The following CACNA1C variants were observed in gnomAD, a reference collection of about 807,000 sequenced individuals.
CACNA1C encodes the protein calcium voltage-gated channel subunit alpha1 C.
In CACNA1C, 30 loss-of-function variants were observed where a neutral mutation model predicts 229.0. The ratio of observed to expected loss-of-function variants is 0.13; its 90% CI spans 0.10 to 0.18. The LOEUF (loss-of-function observed/expected upper bound fraction) is 0.18, where lower values mean the gene tolerates loss of function less well. Among genes scored for constraint, CACNA1C ranks in the 10% least tolerant of loss-of-function variants. The pLI is 1.00. For missense variants in CACNA1C, 1,658 were observed against 2,845.0 expected (o/e 0.58, Z 9.49); for synonymous variants, 1,114 against 1,132.5 (o/e 0.98, Z 0.33).
intron 3 of CACNA1C, among the ~76,000 whole-genome samples, chr12:2,310,358 T>A (rs1406817947): frequency 6.7e-6 from 1 of 149,198 alleles, no homozygotes; most frequent in South Asian, 2.1e-4. Flanking sequence ...AAAAAATATA[T>A]ATATATATAT....
Position 2,561,394 on chromosome 12 carries a change from G to A in CACNA1C, c.1508+4417G>A, listed in dbSNP as rs115501510. Among the ~76,000 whole-genome samples, 446 of 152,356 alleles carry A rather than the reference G, an allele frequency of 2.9e-3. 2 individuals are homozygous for A. The highest frequency in any genetic ancestry group is 0.01 in the African/African-American group (432 of 41,584). ...GTCTGTGTCTCCGTGTAGCTTTTAC[G>A]CAGAGGAGGCCTGTGAGCGCTGTGC... On this transcript the variant is annotated intron_variant, in intron 11 of 46. Coordinates refer to ENST00000399655, the MANE Select transcript of CACNA1C (RefSeq NM_000719.7).
intron 3 of CACNA1C, among the ~76,000 whole-genome samples, chr12:2,221,895 A>G (rs1400303178): frequency 6.6e-6 from 1 of 152,244 alleles, no homozygotes; most frequent in Non-Finnish European, 1.5e-5. Context: ...TTAATGGCAC[A>G]TAAAGATGTT....
intron 9 of CACNA1C, among the ~76,000 whole-genome samples, chr12:2,526,553 T>C (rs1241330952): frequency 6.6e-6 from 1 of 152,258 alleles, no homozygotes; most frequent in Admixed American, 6.5e-5. Flanking sequence ...TGCACTTTAC[T>C]GATAAGGCCA....
intron 1 of CACNA1C, among the ~76,000 whole-genome samples, chr12:2,064,914 G>C (rs1465209999): frequency 1.3e-5 from 2 of 152,308 alleles, no homozygotes; most frequent in East Asian, 3.9e-4. Flanking sequence ...ATTAATCAGA[G>C]ACCTGGGTAT....
chr12:2,572,398 C>T (rs1419629041), intron 13 of CACNA1C, among the ~76,000 whole-genome samples: 1 of 1,796 alleles, frequency 5.6e-4, no homozygotes, highest in African/African-American at 2.4e-3. Context: ...CCTCCTTCTT[C>T]TCTTCCTCCT....
At chr12:2,430,900 C>T (rs1437470078) in intron 3 of CACNA1C, among the ~76,000 whole-genome samples, 1 of 152,114 alleles carries the variant, frequency 6.6e-6, no homozygotes, top group African/African-American at 2.4e-5. Context: ...ACCCAGGAAA[C>T]ACACCCACTG....
At chr12:2,162,037 G>A (rs1597727342) in intron 3 of CACNA1C, among the ~76,000 whole-genome samples, 1 of 152,228 alleles carries the variant, frequency 6.6e-6, no homozygotes, top group East Asian at 1.9e-4. Context: ...GTTTATTTAC[G>A]AGTAAGTCTT....
chr12:2,355,902 G>A (rs992783055), intron 3 of CACNA1C, among the ~76,000 whole-genome samples: 10 of 152,292 alleles, frequency 6.6e-5, no homozygotes, highest in Middle Eastern at 3.4e-3. Context: ...ACAAGCCTCC[G>A]TGTCTGTTCA....
chr12:2,549,069 T>A (rs1458168011), intron 9 of CACNA1C, among the ~76,000 whole-genome samples: 2 of 142,276 alleles, frequency 1.4e-5, no homozygotes, highest in East Asian at 2.2e-4. Context: ...ATAATAATAA[T>A]AAAAGAAATG....
At chr12:2,308,236 A>G (rs955622465) in intron 3 of CACNA1C, among the ~76,000 whole-genome samples, 7 of 152,252 alleles carry the variant, frequency 4.6e-5, no homozygotes, top group Non-Finnish European at 8.8e-5. Context: ...CAATGATATC[A>G]TCCTGATAAT....
Position 2,601,850 on chromosome 12 carries a change from G to T in CACNA1C, c.2854-4G>T. 3 of 1,606,076 alleles carry T rather than the reference G, an allele frequency of 1.9e-6. No individual in the cohort carries two copies. Among genetic ancestry groups the T allele is most frequent in the Non-Finnish European group, 2.6e-6 (3 of 1,172,762 alleles). On this transcript the variant is annotated splice_region_variant and splice_polypyrimidine_tract_variant and intron_variant, in intron 21 of 46. Transcript: ENST00000399655. The surrounding 1 kb of genome is among the most constrained non-coding windows in gnomAD (Gnocchi z 5.9). Reference sequence around the variant, plus strand: ...CACTGGTGTTCCTTTGTCCCTCCCTGCAGATGACTGCTTATGGGGCTTTCT... The same window carrying T: ...CACTGGTGTTCCTTTGTCCCTCCCTTCAGATGACTGCTTATGGGGCTTTCT...
intron 3 of CACNA1C, among the ~76,000 whole-genome samples, chr12:2,326,634 C>T (rs1300345313): frequency 6.6e-6 from 1 of 152,252 alleles, no homozygotes; most frequent in Non-Finnish European, 1.5e-5. Context: ...TGCTGTGTCT[C>T]CTAGTAAATA....
chr12:2,652,933 C>T (rs563881919), intron 32 of CACNA1C, among the ~76,000 whole-genome samples: 488 of 152,380 alleles, frequency 3.2e-3, no homozygotes, highest in African/African-American at 0.011. Context: ...AGGCACAGAC[C>T]GGGTGACTGC....
At chr12:2,244,017 A>T (rs188831876) in intron 3 of CACNA1C, among the ~76,000 whole-genome samples, 1 of 152,324 alleles carries the variant, frequency 6.6e-6, no homozygotes, top group African/African-American at 2.4e-5. Flanking sequence ...ATGATGTGGA[A>T]TTCCAGTTTC....
chr12:2,296,157 G>C (rs555912431), intron 3 of CACNA1C, among the ~76,000 whole-genome samples: 38 of 152,352 alleles, frequency 2.5e-4, no homozygotes, highest in South Asian at 2.1e-4. Flanking sequence ...GCTGACAGAT[G>C]ATGAGTGAGC....
At chr12:2,565,838 GCA>G (rs2050576469) in intron 11 of CACNA1C, among the ~76,000 whole-genome samples, 1 of 152,230 alleles carries the variant, frequency 6.6e-6, no homozygotes, top group Non-Finnish European at 1.5e-5. Flanking sequence ...TATGGATGTG[GCA>G]CACACAGTCA....
In CACNA1C at chr12:2,694,148, G is replaced by A. The variant is rs1309462319; in HGVS notation, c.*2949G>A. 2.0e-5 allele frequency: 3 copies of A among 152,192 alleles called. No individual in the cohort carries two copies. The highest frequency in any genetic ancestry group is 7.2e-5 in the African/African-American group (3 of 41,440). The allele number at this position is 152,192 out of a possible 1,614,324, so 9.4% of individuals were successfully genotyped here. ...CACAGGCGTTCCCTGTCTAGGGCAG[G>A]AGGACTATCCTAGCTTGACCTTCTG... is the stretch of plus-strand genomic sequence containing the variant. On this transcript the variant is annotated 3_prime_UTR_variant, in exon 47 of 47. Coordinates refer to ENST00000399655, the MANE Select transcript of CACNA1C (RefSeq NM_000719.7).
chr12:2,007,253 T>C (rs2043629581), intron 1 of CACNA1C, among the ~76,000 whole-genome samples: 1 of 152,232 alleles, frequency 6.6e-6, no homozygotes, highest in Non-Finnish European at 1.5e-5. Context: ...AGTTCCATGA[T>C]CCTTACACAG....
intron 3 of CACNA1C, among the ~76,000 whole-genome samples, chr12:2,270,634 A>G (rs1486303613): frequency 6.6e-6 from 1 of 152,184 alleles, no homozygotes; most frequent in Non-Finnish European, 1.5e-5. Context: ...CCAGACAGGA[A>G]CTCAGGAGGC....
Sources: gnomAD v4.1 joint callset for allele counts (sites outside exome capture counted in the v4.1 genomes callset) on GRCh38, gnomAD v4.1.1 for gene constraint, Gnocchi (gnomAD v3.1) non-coding constraint, MANE v1.5 for transcripts, NCBI Gene and HGNC (gene_info 2026-07-23, HGNC 2026-07-21) for gene names.